PEAK1: variants seen among roughly 807,000 people sequenced by gnomAD.
The protein encoded by PEAK1 is pseudopodium enriched atypical kinase 1, also known as inactive tyrosine-protein kinase PEAK1.
A neutral mutation model predicts 124.7 loss-of-function variants in PEAK1; 54 were observed. The observed-to-expected ratio is 0.43, with a 90% CI of 0.35 to 0.54. PEAK1 has a LOEUF of 0.54. Ranked by LOEUF, PEAK1 falls within the 20% of genes least tolerant of loss-of-function variation. The probability of loss-of-function intolerance (pLI) is 0.01; values close to 1 mark genes in which losing one functional copy is unlikely to be tolerated. For missense variants in PEAK1, 2,046 were observed against 2,134.5 expected (o/e 0.96, Z 0.82); for synonymous variants, 719 against 760.0 (o/e 0.95, Z 0.89).
At chr15:77,387,739 T>G (rs1384176656) in intron 1 of PEAK1, among the ~76,000 whole-genome samples, 13 of 152,160 alleles carry the variant, frequency 8.5e-5, no homozygotes, top group Admixed American at 8.5e-4. Context: ...TTTCCCTCTA[T>G]AGCAAAACAA....
chr15:77,167,943 T>G (rs367723659), intron 7 of PEAK1, among the ~76,000 whole-genome samples: 38 of 152,214 alleles, frequency 2.5e-4, no homozygotes, highest in East Asian at 1.4e-3. Flanking sequence ...TGTCTCCAAG[T>G]GTTCTCATTG....
chr15:77,416,572 C>A lies in PEAK1; in HGVS notation c.-666+3434G>T, dbSNP rs115287277. On this transcript the variant is annotated intron_variant, in intron 1 of 9. Coordinates refer to ENST00000682557, the MANE Select transcript of PEAK1 (RefSeq NM_001385026.1). ...TAATTTTTTTTCCCCACTAAATCCC[C>A]GCAACTTTTGGAATTAAGTTAAAGT... Among the ~76,000 whole-genome samples, 752 of 152,236 alleles carry A rather than the reference C, an allele frequency of 4.9e-3. 5 individuals are homozygous for A. Among genetic ancestry groups the A allele is most frequent in the African/African-American group, 0.017 (711 of 41,542 alleles).
At chr15:77,212,005 C>T (rs886600750) in intron 6 of PEAK1, among the ~76,000 whole-genome samples, 3 of 151,760 alleles carry the variant, frequency 2.0e-5, no homozygotes, top group African/African-American at 7.3e-5. Flanking sequence ...TCATCTTATC[C>T]TTTTATAAGA....
chr15:77,346,737 C>G (rs969865945), intron 2 of PEAK1: 1 of 982,820 alleles, frequency 1.0e-6, no homozygotes, highest in African/African-American at 1.7e-5. Flanking sequence ...GACATTTGTA[C>G]GAATAGCTGG....
At chr15:77,362,606 C>T (rs564847043) in intron 2 of PEAK1, among the ~76,000 whole-genome samples, 1 of 152,058 alleles carries the variant, frequency 6.6e-6, no homozygotes, top group African/African-American at 2.4e-5. Context: ...TTGGCAGTTC[C>T]ACAAAATGTT....
chr15:77,417,399 G>A (rs1433638407), intron 1 of PEAK1: 1 of 969,022 alleles, frequency 1.0e-6, no homozygotes, highest in Non-Finnish European at 1.2e-6. Flanking sequence ...AACCTAGAAA[G>A]TACCAGGAGC....
intron 2 of PEAK1, among the ~76,000 whole-genome samples, chr15:77,317,014 G>A (rs1230832794): frequency 6.6e-6 from 1 of 152,168 alleles, no homozygotes; most frequent in Non-Finnish European, 1.5e-5. Context: ...CCAGGAGGTG[G>A]AGGTTGCAGT....
rs570005875 is a variant in PEAK1, at chr15:77,249,478, T to G, written c.-115+2889A>C. Among the ~76,000 whole-genome samples the G allele has an allele frequency of 1.3e-3, 191 of 152,328 alleles. 1 individual carries two copies. Among genetic ancestry groups the G allele is most frequent in the Non-Finnish European group, 1.8e-3 (120 of 68,014 alleles). On this transcript the variant is annotated intron_variant, in intron 6 of 9. Transcript: ENST00000682557. Reference sequence around the variant, plus strand: ...AATTTCTAGTTGTGCAAATTAGAAATTCTGTGAATTGCACAATTAGAAATC... The same window carrying G: ...AATTTCTAGTTGTGCAAATTAGAAAGTCTGTGAATTGCACAATTAGAAATC...
chr15:77,411,215 C>T (rs1457604887), intron 1 of PEAK1, among the ~76,000 whole-genome samples: 1 of 151,060 alleles, frequency 6.6e-6, no homozygotes, highest in African/African-American at 2.4e-5. Context: ...GATTTACAAC[C>T]CTGCTTGTAA....
At position 77,179,567 on chromosome 15, in the gene PEAK1, C is replaced by T. The variant is rs2057112803; in HGVS notation, c.2360G>A (p.Gly787Asp). The change falls in exon 7 of 10, where the codon GGC (glycine) becomes GAC (aspartate). Residue 787 changes from glycine (G) to aspartate (D), a missense_variant. Physicochemically the swap from Gly to Asp is moderately conservative, Grantham distance 94. Transcript: ENST00000682557. ...PQSPPETPQS[G>D]PKACSVEELY... is the part of the protein sequence containing the mutation. ...CTCTTCCACACTGCAAGCTTTAGGG[C>T]CAGATTGAGGTGTTTCTGGAGGAGA... The T allele has an allele frequency of 1.2e-6, 2 of 1,614,064 alleles. No homozygotes were observed. The highest frequency in any genetic ancestry group is 1.7e-6 in the Non-Finnish European group (2 of 1,179,974).
intron 1 of PEAK1, among the ~76,000 whole-genome samples, chr15:77,382,045 A>G (rs2069524793): frequency 6.6e-6 from 1 of 152,218 alleles, no homozygotes; most frequent in African/African-American, 2.4e-5. Flanking sequence ...TAAAATTCAC[A>G]GAAAAGTTTC....
chr15:77,402,143 G>A, intron 1 of PEAK1: 1 of 944,192 alleles, frequency 1.1e-6, no homozygotes, highest in East Asian at 1.2e-4. Flanking sequence ...AGGTTGTAGT[G>A]AGCCAAGAGG....
At chr15:77,279,070 C>A (rs1293228068) in intron 5 of PEAK1, among the ~76,000 whole-genome samples, 1 of 150,972 alleles carries the variant, frequency 6.6e-6, no homozygotes, top group African/African-American at 2.4e-5. Context: ...TCAAGTGAAC[C>A]GGCTGCCTCA....
intron 1 of PEAK1, among the ~76,000 whole-genome samples, chr15:77,413,021 T>C (rs1404318392): frequency 6.6e-6 from 1 of 152,194 alleles, no homozygotes; most frequent in Non-Finnish European, 1.5e-5. Flanking sequence ...AATGATTAGA[T>C]AGAAGGGAAA....
intron 9 of PEAK1, among the ~76,000 whole-genome samples, chr15:77,124,178 T>C (rs1342334124): frequency 1.3e-5 from 2 of 152,258 alleles, no homozygotes; most frequent in Non-Finnish European, 1.5e-5. Flanking sequence ...TTGGACTCTC[T>C]GGCCTGTAGG....
chr15:77,225,666 TTATATATATATATATA>T (rs55958042), intron 6 of PEAK1, among the ~76,000 whole-genome samples: 15 of 87,994 alleles, frequency 1.7e-4, no homozygotes, highest in African/African-American at 4.3e-4. Flanking sequence ...TGTGTATAAT[TTATATATATATATATA>T]TATATATATA....
At chr15:77,348,100 AAAAG>A (rs2066980026) in intron 2 of PEAK1, 1 of 985,266 alleles carries the variant, frequency 1.0e-6, no homozygotes, top group Non-Finnish European at 1.2e-6. Flanking sequence ...TCTAGAGAAA[AAAAG>A]AAAGAAACAA....
intron 6 of PEAK1, among the ~76,000 whole-genome samples, chr15:77,213,941 C>T (rs146460805): frequency 5.1e-4 from 77 of 152,320 alleles, no homozygotes; most frequent in Admixed American, 2.4e-3. Context: ...TCCCTTCTCC[C>T]TAACTCCTGG....
At chr15:77,365,415 T>C (rs2068153820) in intron 1 of PEAK1, among the ~76,000 whole-genome samples, 190 bp from the exon 2 acceptor site, 1 of 152,226 alleles carries the variant, frequency 6.6e-6, no homozygotes, top group South Asian at 2.1e-4. Flanking sequence ...TTGCCTTTGA[T>C]TAATGTTGGT....
Sources: gnomAD v4.1 joint callset for allele counts (sites outside exome capture counted in the v4.1 genomes callset) on GRCh38, gnomAD v4.1.1 for gene constraint, MANE v1.5 for transcripts, NCBI Gene and HGNC (gene_info 2026-07-23, HGNC 2026-07-21) for gene names.